CTNNA2: variants seen among roughly 807,000 people sequenced by gnomAD.
CTNNA2 encodes catenin alpha-2.
In CTNNA2, 42 loss-of-function variants were observed where a neutral mutation model predicts 101.0. The ratio of observed to expected loss-of-function variants is 0.42; its 90% confidence interval spans 0.32 to 0.54. The LOEUF is 0.54. CTNNA2 is among the 20% of genes least tolerant of loss of function. The pLI is 0.14. For missense variants in CTNNA2, 871 were observed against 1,223.1 expected (o/e 0.71, Z 4.29); for synonymous variants, 450 against 456.4 (o/e 0.99, Z 0.18).
At chr2:80,444,911 T>C in intron 9 of CTNNA2, among the ~76,000 whole-genome samples, 1 of 152,090 alleles carries the variant, frequency 6.6e-6, no homozygotes, top group East Asian at 1.9e-4. Flanking sequence ...GGCTAAGCTG[T>C]TTAGCAGCAT....
intron 9 of CTNNA2, among the ~76,000 whole-genome samples, chr2:80,478,236 G>T (rs765404991): frequency 8.6e-5 from 13 of 151,988 alleles, no homozygotes; most frequent in Non-Finnish European, 1.5e-4. Flanking sequence ...TTTTAAATGG[G>T]ATTATTTGTT....
chr2:79,693,527 A>G (rs922743524), intron 2 of CTNNA2, among the ~76,000 whole-genome samples: 6 of 151,990 alleles, frequency 3.9e-5, no homozygotes, highest in African/African-American at 1.4e-4. Context: ...ACTAATGGGA[A>G]TAATTCAGAA....
intron 3 of CTNNA2, among the ~76,000 whole-genome samples, chr2:79,856,099 A>T (rs1681115740): frequency 6.6e-6 from 1 of 152,218 alleles, no homozygotes; most frequent in African/African-American, 2.4e-5. Flanking sequence ...GTGAATTTTT[A>T]AGTTTCTCCC....
intron 4 of CTNNA2, among the ~76,000 whole-genome samples, chr2:79,401,307 A>T (rs1678287546): frequency 6.6e-6 from 1 of 151,638 alleles, no homozygotes; most frequent in East Asian, 1.9e-4. Flanking sequence ...ACTGAACACC[A>T]TTAAATGCAA....
chr2:79,317,826 G>A (rs1299142395), intron 3 of CTNNA2, among the ~76,000 whole-genome samples: 1 of 151,888 alleles, frequency 6.6e-6, no homozygotes, highest in Non-Finnish European at 1.5e-5. Context: ...CATTAATATA[G>A]TAAGTATTGA....
At chr2:79,497,973 GT>G (rs1478505561) in intron 4 of CTNNA2, 3 of 152,244 alleles carry the variant, frequency 2.0e-5, no homozygotes, top group African/African-American at 7.2e-5. Flanking sequence ...TATTTTTGTT[GT>G]TTTTTAGTTT....
At chr2:80,327,394 C>T (rs1451160532) in intron 7 of CTNNA2, among the ~76,000 whole-genome samples, 2 of 152,154 alleles carry the variant, frequency 1.3e-5, no homozygotes, top group African/African-American at 4.8e-5. Flanking sequence ...CTCTTGCTAA[C>T]TCATCCTGTT....
chr2:79,760,438 A>C (rs538302861), intron 3 of CTNNA2, among the ~76,000 whole-genome samples: 2 of 152,008 alleles, frequency 1.3e-5, no homozygotes. Context: ...TCTATAGGAC[A>C]GTCTGACAGG....
At chr2:79,332,786 T>C (rs1676905454) in intron 3 of CTNNA2, among the ~76,000 whole-genome samples, 1 of 152,156 alleles carries the variant, frequency 6.6e-6, no homozygotes, top group Non-Finnish European at 1.5e-5. Flanking sequence ...ATTATGTACA[T>C]TTCCTTCGGA....
At chr2:79,754,841 G>T (rs117490967) in intron 3 of CTNNA2, among the ~76,000 whole-genome samples, 2 of 152,102 alleles carry the variant, frequency 1.3e-5, no homozygotes, top group East Asian at 3.9e-4. Context: ...TCCTGTATGG[G>T]GAGCGGAGGG....
intron 1 of CTNNA2, among the ~76,000 whole-genome samples, chr2:79,577,924 T>G (rs1675898371): frequency 6.6e-6 from 1 of 152,198 alleles, no homozygotes; most frequent in African/African-American, 2.4e-5. Flanking sequence ...ATAATAACTT[T>G]TTATAAATTC....
chr2:80,291,186 T>C (rs1675206288), intron 7 of CTNNA2, among the ~76,000 whole-genome samples: 1 of 152,220 alleles, frequency 6.6e-6, no homozygotes, highest in Admixed American at 6.5e-5. Flanking sequence ...CTAAAGACGT[T>C]GGAGTCTTTC....
At chr2:80,100,738 G>C (rs147941166) in intron 7 of CTNNA2, among the ~76,000 whole-genome samples, 2 of 152,162 alleles carry the variant, frequency 1.3e-5, no homozygotes, top group African/African-American at 4.8e-5. Context: ...GCAACTCTTC[G>C]TCTGAGGCTT....
chr2:80,090,847 A>G (rs183218361), intron 7 of CTNNA2, among the ~76,000 whole-genome samples: 39 of 152,046 alleles, frequency 2.6e-4, no homozygotes, highest in African/African-American at 8.9e-4. Flanking sequence ...TCTAGTTTTT[A>G]TATGTAGCTC....
intron 4 of CTNNA2, among the ~76,000 whole-genome samples, chr2:79,392,118 T>A (rs1256970540): frequency 6.6e-6 from 1 of 152,202 alleles, no homozygotes; most frequent in African/African-American, 2.4e-5. Flanking sequence ...ATATGAATTT[T>A]GTGGGGAAAC....
chr2:79,952,329 GCAA>G (rs200510987), intron 7 of CTNNA2, among the ~76,000 whole-genome samples: 6 of 152,044 alleles, frequency 3.9e-5, no homozygotes, highest in Admixed American at 6.6e-5. Context: ...GCAAAGCAAA[GCAA>G]CAACAACAAC....
chr2:79,498,852 C>T (rs576587059), intron 4 of CTNNA2: 10 of 152,312 alleles, frequency 6.6e-5, no homozygotes, highest in African/African-American at 2.4e-4. Context: ...CCCTATCAAA[C>T]TCCACATTAG....
chr2:79,942,843 A>C (rs539143396), intron 7 of CTNNA2, among the ~76,000 whole-genome samples: 4 of 151,902 alleles, frequency 2.6e-5, no homozygotes, highest in Non-Finnish European at 5.9e-5. Context: ...GAAATGAAAA[A>C]CCCTGCATGG....
intron 12 of CTNNA2, among the ~76,000 whole-genome samples, chr2:80,569,421 T>TG (rs1694354883): frequency 6.6e-6 from 1 of 152,048 alleles, no homozygotes; most frequent in African/African-American, 2.4e-5. Context: ...GATAAATAAC[T>TG]GTAAAGTGGT....
Sources: allele counts gnomAD v4.1 joint callset (sites outside exome capture counted in the v4.1 genomes callset), GRCh38; gene constraint gnomAD v4.1.1; transcripts MANE v1.5; gene names NCBI Gene and HGNC (gene_info 2026-07-23, HGNC 2026-07-21).